Variants in EIF2AK1 observed in about 807,000 individuals in gnomAD.
EIF2AK1 encodes eukaryotic translation initiation factor 2-alpha kinase 1.
Under a neutral mutation model 77.9 loss-of-function variants are expected in EIF2AK1, and 54 were observed. The observed-to-expected ratio is 0.69, with a 90% CI of 0.56 to 0.87. EIF2AK1 has a LOEUF of 0.87. Among genes scored for constraint, EIF2AK1 ranks in the 40% least tolerant of loss-of-function variants. The pLI is 0.00. For missense variants in EIF2AK1, 810 were observed against 768.6 expected, an observed-to-expected ratio of 1.05 and a Z score of -0.64; for synonymous variants, 314 against 290.5, an observed-to-expected ratio of 1.08 and a Z score of -0.82.
chr7:6,050,682 A>G (rs1788584437), intron 2 of EIF2AK1, among the ~76,000 whole-genome samples: 1 of 148,084 alleles, frequency 6.8e-6, no homozygotes, highest in South Asian at 2.1e-4. Context: ...GGCTCACTGC[A>G]AGCTCTGCCT....
In EIF2AK1 at chr7:6,024,714, T is replaced by G; in HGVS notation, c.1852A>C (p.Lys618Gln). 1.2e-6 allele frequency: 2 copies of G among 1,609,794 alleles called. No homozygotes were observed. Among genetic ancestry groups the G allele is most frequent in the Non-Finnish European group, 1.7e-6 (2 of 1,178,896 alleles). ...TCCTTTCCGTCATCCCTCACCCCTTTGTCTTGAGAAAGGAGGTTTAGCTGC... is the reference window on the plus strand; with the variant it reads ...TCCTTTCCGTCATCCCTCACCCCTTGGTCTTGAGAAAGGAGGTTTAGCTGC... Reference protein sequence around the residue: ...KKQLNLLSQDKGVRDDGKDGG... With the variant: ...KKQLNLLSQDQGVRDDGKDGG... Residue 618 changes from lysine (K) to glutamine (Q), a missense_variant, in exon 15 of 15, where the codon AAA becomes CAA. By Grantham distance (53) the Lys-to-Gln change is moderately conservative. Transcript: ENST00000199389.
intron 6 of EIF2AK1, 149 bp downstream of exon 6, chr7:6,045,921 TA>T (rs1490044868): frequency 2.3e-6 from 1 of 439,780 alleles, no homozygotes; most frequent in East Asian, 4.3e-5. Flanking sequence ...AATAATAATT[TA>T]ATTTTGGTAC....
Position 6,024,007 on chromosome 7 carries a change from G to A in EIF2AK1, c.*666C>T, listed in dbSNP as rs191574702. 2,075 of 1,335,326 alleles carry A rather than the reference G, an allele frequency of 1.6e-3. 49 individuals are homozygous for A. The Admixed American group carries it at 0.038, about 25-fold the overall frequency. The allele number at this position is 1,335,326 out of a possible 1,614,324, so 82.7% of individuals were successfully genotyped here. A position where few individuals can be genotyped will look rare whatever the true frequency, so the allele number is the denominator to read the frequency against. The stretch of plus-strand genomic sequence containing the variant: ...GTGCTACAATAAAGGAGGAAGTACC[G>A]GGGAACAGTGCAGGGCAAAGGCAGG... On this transcript the variant is annotated 3_prime_UTR_variant, in exon 15 of 15. Coordinates refer to ENST00000199389, the MANE Select transcript of EIF2AK1 (RefSeq NM_014413.4).
At chr7:6,056,992 G>A (rs755469026) in intron 1 of EIF2AK1, among the ~76,000 whole-genome samples, 4 of 151,782 alleles carry the variant, frequency 2.6e-5, no homozygotes, top group Non-Finnish European at 4.4e-5. Context: ...TTCTCTTTCT[G>A]GTCAAAAATC....
At chr7:6,039,823 G>C (rs573684924) in intron 9 of EIF2AK1, among the ~76,000 whole-genome samples, 5 of 144,766 alleles carry the variant, frequency 3.5e-5, no homozygotes, top group African/African-American at 1.3e-4. Context: ...TGTAATTCCA[G>C]CTACTCGGGA....
chr7:6,047,507 T>C (rs773767004), intron 4 of EIF2AK1, among the ~76,000 whole-genome samples: 1 of 151,972 alleles, frequency 6.6e-6, no homozygotes, highest in Admixed American at 6.6e-5. Context: ...ACCCCGTCTC[T>C]AGTAATAATT....
At chr7:6,056,460 G>T (rs113795092) in intron 1 of EIF2AK1, among the ~76,000 whole-genome samples, 15 of 150,024 alleles carry the variant, frequency 1.0e-4, no homozygotes, top group African/African-American at 3.7e-4. Context: ...TGGGTGTGGT[G>T]GCAGACGCCT....
At chr7:6,053,719 G>A (rs1387857199) in intron 2 of EIF2AK1, among the ~76,000 whole-genome samples, 1 of 144,664 alleles carries the variant, frequency 6.9e-6, no homozygotes, top group Admixed American at 7.2e-5. Context: ...CCAGGCTGGA[G>A]TGCAGTGGCG....
chr7:6,044,299 C>T (rs1788383764), intron 7 of EIF2AK1, among the ~76,000 whole-genome samples: 1 of 150,556 alleles, frequency 6.6e-6, no homozygotes, highest in Non-Finnish European at 1.5e-5. Flanking sequence ...CCTGTCTCTA[C>T]TAAAAAATAC....
chr7:6,035,415 G>C lies in EIF2AK1; in HGVS notation c.1332+2009C>G, dbSNP rs1271187797. The stretch of plus-strand genomic sequence containing the variant: ...TAGAGCCGTTCCCACTGTGAATTCA[G>C]TGTAACGTGTAATCAATACCCATTC... On this transcript the variant is annotated intron_variant, in intron 11 of 14. Transcript: ENST00000199389. The surrounding 1 kb of genome is among the most constrained non-coding windows in gnomAD (Gnocchi z 5.5). The C allele has an allele frequency of 1.3e-6, 2 of 1,531,604 alleles. No homozygotes were observed. The highest frequency in any genetic ancestry group is 1.4e-5 in the African/African-American group (1 of 72,726). 94.9% of individuals were successfully genotyped at this position (1,531,604 alleles called of 1,614,324 possible).
intron 14 of EIF2AK1, chr7:6,026,379 C>A (rs1320710679): frequency 1.2e-5 from 6 of 491,960 alleles, no homozygotes; most frequent in Non-Finnish European, 1.2e-5. Context: ...CCCTGCGGGC[C>A]CCTCCGGCCT....
In EIF2AK1 at chr7:6,026,931, G is replaced by A. The variant is rs896357970; in HGVS notation, c.1561C>T (p.Leu521=). 3.1e-6 allele frequency: 5 copies of A among 1,613,942 alleles called. No individual in the cohort carries two copies. The highest frequency in any genetic ancestry group is 3.4e-6 in the Non-Finnish European group (4 of 1,180,028). ...SDMYSLGVVL[L]ELFQPFGTEM... ...GTTCCAAACGGCTGAAAGAGCTCTA[G>A]CAGGACCACACCCAAGCTGTACATA... The change falls in exon 14 of 15, where the codon CTA becomes TTA. Residue 521 remains leucine, a synonymous_variant. Coordinates refer to ENST00000199389, the MANE Select transcript of EIF2AK1 (RefSeq NM_014413.4).
Position 6,026,730 on chromosome 7 carries a change from T to A in EIF2AK1, c.1762A>T (p.Asn588Tyr). 2 of 1,612,858 alleles carry A rather than the reference T, an allele frequency of 1.2e-6. No individual in the cohort carries two copies. The highest frequency in any genetic ancestry group is 1.7e-6 in the Non-Finnish European group (2 of 1,178,836). Reference sequence around the variant, plus strand: ...CCAAGAGAAAGAAAAGCACATACATTTCCAGAATTTTGGAAAAGTTCACTC... The same window carrying A: ...CCAAGAGAAAGAAAAGCACATACATATCCAGAATTTTGGAAAAGTTCACTC... ...LQSELFQNSG[N>Y]VNLTLQMKII... The change falls in exon 14 of 15, where the codon AAT becomes TAT. Residue 588 changes from asparagine to tyrosine, a missense_variant and splice_region_variant. Asn to Tyr is a moderately radical substitution (Grantham distance 143). Transcript: ENST00000199389.
chr7:6,050,109 G>GT (rs1788565180), intron 2 of EIF2AK1, 64 bp from the exon 3 acceptor site: 6 of 1,359,356 alleles, frequency 4.4e-6, no homozygotes, highest in Non-Finnish European at 6.1e-6. Context: ...ATTTTAAAGT[G>GT]TACACAGAGA....
At chr7:6,046,427 T>A (rs1232848145) in intron 5 of EIF2AK1, 2 of 217,926 alleles carry the variant, frequency 9.2e-6, no homozygotes, top group Admixed American at 5.8e-5. Context: ...CTTTTTTTGG[T>A]AACACATTTT....
intron 9 of EIF2AK1, among the ~76,000 whole-genome samples, chr7:6,039,364 G>A (rs1788224711): frequency 6.6e-6 from 1 of 152,142 alleles, no homozygotes; most frequent in Non-Finnish European, 1.5e-5. Context: ...GCTCACACCT[G>A]TAATCCCAGC....
chr7:6,028,628 T>C lies in EIF2AK1; in HGVS notation c.1517A>G (p.Glu506Gly). 1 of 1,614,164 alleles carries C rather than the reference T, an allele frequency of 6.2e-7. No homozygotes were observed. The highest frequency in any genetic ancestry group is 2.2e-5 in the East Asian group (1 of 44,888). Residue 506 changes from glutamate to glycine, a missense_variant, in exon 13 of 15, where the codon GAG becomes GGG. By Grantham distance (98) the Glu-to-Gly change is moderately conservative (BLOSUM62 -2). Around this residue, in one of 3 missense-constraint regions of EIF2AK1, gnomAD observed 549 missense variants for 533.7 expected, o/e 1.03. Coordinates refer to ENST00000199389, the MANE Select transcript of EIF2AK1 (RefSeq NM_014413.4). ...AACAAATACTACCTTGGCATCATAC[T>C]CAGATCCTTCCAACTGTTCGGGTGA... ...YASPEQLEGS[E>G]YDAKSDMYSL... is the part of the protein sequence containing the mutation.
At chr7:6,044,139 C>G (rs1353321068) in intron 7 of EIF2AK1, among the ~76,000 whole-genome samples, 1 of 151,806 alleles carries the variant, frequency 6.6e-6, no homozygotes, top group Admixed American at 6.6e-5. Context: ...ATAATTTTCA[C>G]AAAATCTTCT....
In EIF2AK1 at chr7:6,036,122, G is replaced by C; in HGVS notation, c.1332+1302C>G. 1 of 1,550,602 alleles carries C rather than the reference G, an allele frequency of 6.4e-7. No individual in the cohort carries two copies. Among genetic ancestry groups the C allele is most frequent in the African/African-American group, 1.4e-5 (1 of 73,100 alleles). The stretch of plus-strand genomic sequence containing the variant: ...GCAATGTAAGAGATACGGCACTTCT[G>C]GCCAGGCTACTTTATCACACTTATC... On this transcript the variant is annotated intron_variant, in intron 11 of 14. Coordinates refer to ENST00000199389, the MANE Select transcript of EIF2AK1 (RefSeq NM_014413.4). The surrounding 1 kb of genome is among the most constrained non-coding windows in gnomAD (Gnocchi z 4.6).
Sources: allele counts gnomAD v4.1 joint callset (sites outside exome capture counted in the v4.1 genomes callset), GRCh38; gene constraint gnomAD v4.1.1; regional missense constraint gnomAD v4.1.1; non-coding constraint Gnocchi (gnomAD v3.1); transcripts MANE v1.5; gene names NCBI Gene and HGNC (gene_info 2026-07-23, HGNC 2026-07-21).